The following SESTD1 variants were observed in gnomAD, a reference collection of about 807,000 sequenced individuals.
The protein encoded by SESTD1 is SEC14 domain and spectrin repeat-containing protein 1.
SESTD1 carries 43 observed loss-of-function variants against 101.7 expected under a neutral mutation model. That is an observed-to-expected ratio of 0.42 (90% CI 0.33 to 0.55). The LOEUF (loss-of-function observed/expected upper bound fraction) is 0.55, where lower values mean the gene tolerates loss of function less well. Ranked by LOEUF, SESTD1 falls within the 20% of genes least tolerant of loss-of-function variation. SESTD1 has a pLI of 0.07. For missense variants in SESTD1, 647 were observed against 815.1 expected, an observed-to-expected ratio of 0.79 and a Z score of 2.51; for synonymous variants, 283 against 286.8, an observed-to-expected ratio of 0.99 and a Z score of 0.13.
chr2:179,169,300 T>C (rs186833879), intron 5 of SESTD1, among the ~76,000 whole-genome samples: 2 of 152,166 alleles, frequency 1.3e-5, no homozygotes, highest in East Asian at 3.9e-4. Flanking sequence ...GTAGTTATAT[T>C]AATATCAGAC....
intron 1 of SESTD1, among the ~76,000 whole-genome samples, chr2:179,229,187 C>G (rs1039472522): frequency 2.0e-5 from 3 of 152,136 alleles, no homozygotes; most frequent in Non-Finnish European, 4.4e-5. Context: ...TGGTTATGTC[C>G]ATTACAGTGT....
At chr2:179,217,082 T>C (rs550051304) in intron 1 of SESTD1, among the ~76,000 whole-genome samples, 3 of 152,128 alleles carry the variant, frequency 2.0e-5, no homozygotes, top group Non-Finnish European at 4.4e-5. Context: ...GGCAAGGACT[T>C]CATGACTAAA....
chr2:179,151,876 A>G (rs890076108), intron 5 of SESTD1, among the ~76,000 whole-genome samples: 7 of 152,266 alleles, frequency 4.6e-5, no homozygotes, highest in African/African-American at 1.7e-4. Flanking sequence ...ATAACCCACA[A>G]TAACGTATGC....
chr2:179,212,068 C>G (rs2046657959), intron 1 of SESTD1, among the ~76,000 whole-genome samples: 1 of 135,032 alleles, frequency 7.4e-6, no homozygotes, highest in Non-Finnish European at 1.6e-5. Flanking sequence ...GTCTGCAGCC[C>G]CCAGTGTGAT....
rs1186016044 is a variant in SESTD1, at chr2:179,102,680, T to G, written c.*7219A>C. ...ATTAGAAACACACAGATGATTATAA[T>G]TCTATAGACTAATACAGGTGAATGC... On this transcript the variant is annotated 3_prime_UTR_variant, in exon 18 of 18. Transcript: ENST00000428443. 3 of 152,222 alleles carry G rather than the reference T, an allele frequency of 2.0e-5. No individual in the cohort carries two copies. The highest frequency in any genetic ancestry group is 7.2e-5 in the African/African-American group (3 of 41,554). 9.4% of individuals were successfully genotyped at this position (152,222 alleles called of 1,614,324 possible).
At chr2:179,152,496 T>A (rs1054643280) in intron 5 of SESTD1, among the ~76,000 whole-genome samples, 2 of 152,136 alleles carry the variant, frequency 1.3e-5, no homozygotes, top group Admixed American at 6.5e-5. Flanking sequence ...AAACTGACTT[T>A]AAAAAAATTT....
At chr2:179,221,407 G>A (rs940651981) in intron 1 of SESTD1, among the ~76,000 whole-genome samples, 2 of 151,898 alleles carry the variant, frequency 1.3e-5, no homozygotes, top group South Asian at 2.1e-4. Context: ...GAGGTCAGGC[G>A]TTCAAGACCA....
intron 1 of SESTD1, among the ~76,000 whole-genome samples, chr2:179,232,943 G>GGTAT (rs2105539976): frequency 6.6e-6 from 1 of 152,184 alleles, no homozygotes; most frequent in South Asian, 2.1e-4. Flanking sequence ...AAAGATGGGA[G>GGTAT]GTATGATCAA....
At chr2:179,176,068 C>T (rs755142441) in intron 4 of SESTD1, among the ~76,000 whole-genome samples, 1 of 152,162 alleles carries the variant, frequency 6.6e-6, no homozygotes, top group Non-Finnish European at 1.5e-5. Flanking sequence ...ACCAATCCTA[C>T]CACCCACCTA....
chr2:179,186,409 A>G (rs1360778566), intron 2 of SESTD1, among the ~76,000 whole-genome samples: 1 of 152,196 alleles, frequency 6.6e-6, no homozygotes, highest in Non-Finnish European at 1.5e-5. Flanking sequence ...GTATATAAAC[A>G]GTTTTGAACA....
chr2:179,191,238 T>A (rs777611628), intron 2 of SESTD1, among the ~76,000 whole-genome samples: 2 of 152,160 alleles, frequency 1.3e-5, no homozygotes, highest in Non-Finnish European at 2.9e-5. Flanking sequence ...TAGAGTACTA[T>A]GCAGCTGTAA....
chr2:179,120,984 G>A (rs986976763), intron 13 of SESTD1, among the ~76,000 whole-genome samples: 26 of 152,318 alleles, frequency 1.7e-4, no homozygotes, highest in African/African-American at 6.3e-4. Context: ...CAGAATCAGA[G>A]CCTAAATGGA....
intron 2 of SESTD1, among the ~76,000 whole-genome samples, chr2:179,191,273 G>A (rs1276288667): frequency 6.6e-6 from 1 of 152,192 alleles, no homozygotes; most frequent in East Asian, 1.9e-4. Flanking sequence ...CATGCCCTTT[G>A]CCACAACATG....
intron 4 of SESTD1, among the ~76,000 whole-genome samples, chr2:179,173,592 A>AAGATAAC (rs1169097079): frequency 5.3e-5 from 8 of 152,220 alleles, no homozygotes; most frequent in Admixed American, 5.2e-4. Flanking sequence ...TCACTTGTCT[A>AAGATAAC]AGATAACAGA....
rs113689852 is a variant in SESTD1 at position 179,119,463 on chromosome 2, G to C, written c.1443-1850C>G. ...TGGTTTGGATCTGGGTTTTGGATTT[G>C]TGTCCCCACTTAAATCTAACATCAA... is the stretch of plus-strand genomic sequence containing the variant. On this transcript the variant is annotated intron_variant, in intron 13 of 17. Coordinates refer to ENST00000428443, the MANE Select transcript of SESTD1 (RefSeq NM_178123.5). Among the ~76,000 whole-genome samples, 337 of 152,302 alleles carry C rather than the reference G, an allele frequency of 2.2e-3. 2 individuals carry two copies. The highest frequency in any genetic ancestry group is 3.5e-3 in the Non-Finnish European group (238 of 68,034).
chr2:179,227,464 T>C (rs2046905465), intron 1 of SESTD1, among the ~76,000 whole-genome samples: 1 of 151,934 alleles, frequency 6.6e-6, no homozygotes, highest in Admixed American at 6.6e-5. Flanking sequence ...AAAATAAGAG[T>C]TTTTGCTAGC....
intron 1 of SESTD1, among the ~76,000 whole-genome samples, chr2:179,235,455 T>C (rs1463586398): frequency 6.6e-6 from 1 of 152,196 alleles, no homozygotes; most frequent in Non-Finnish European, 1.5e-5. Context: ...TAAATTTAGG[T>C]AAAATTACAG....
chr2:179,259,160 T>C (rs1016995015), intron 1 of SESTD1, among the ~76,000 whole-genome samples: 8 of 152,168 alleles, frequency 5.3e-5, no homozygotes, highest in African/African-American at 1.9e-4. Flanking sequence ...GGAAATCATC[T>C]CTATCTGATA....
At position 179,106,817 on chromosome 2, in the gene SESTD1, CA is replaced by C. The variant is rs1330456979; in HGVS notation, c.*3081del. On this transcript the variant is annotated 3_prime_UTR_variant, in exon 18 of 18. Coordinates refer to ENST00000428443, the MANE Select transcript of SESTD1 (RefSeq NM_178123.5). ...CAACAATGAGGACTGGGAACAAAGC[CA>C]ATTTGACCTAAAATGAAGTCATCAT... is the stretch of plus-strand genomic sequence containing the variant. The C allele has an allele frequency of 6.6e-6, 1 of 151,986 alleles. No homozygotes were observed. The highest frequency in any genetic ancestry group is 2.4e-5 in the African/African-American group (1 of 41,388). The allele number at this position is 151,986 out of a possible 1,614,324, so 9.4% of individuals were successfully genotyped here.
Sources: allele counts gnomAD v4.1 joint callset (sites outside exome capture counted in the v4.1 genomes callset), GRCh38; gene constraint gnomAD v4.1.1; transcripts MANE v1.5; gene names NCBI Gene and HGNC (gene_info 2026-07-23, HGNC 2026-07-21).